THSD4: variants seen among roughly 807,000 people sequenced by gnomAD.
THSD4 encodes thrombospondin type 1 domain containing 4, also known as thrombospondin type-1 domain-containing protein 4.
Under a neutral mutation model 119.0 loss-of-function variants are expected in THSD4, and 69 were observed. That is an observed-to-expected ratio of 0.58 (90% CI 0.48 to 0.71). The LOEUF (loss-of-function observed/expected upper bound fraction) is 0.71, where lower values mean the gene tolerates loss of function less well. Ranked by LOEUF, THSD4 falls within the 30% of genes least tolerant of loss-of-function variation. The pLI, the probability that THSD4 is intolerant of heterozygous loss-of-function variation, is 0.00. For synonymous variants in THSD4, 524 were observed against 540.4 expected (o/e 0.97, Z 0.42); for missense variants, 1,393 against 1,391.1 (o/e 1.00, Z -0.02).
intron 7 of THSD4, among the ~76,000 whole-genome samples, chr15:71,552,947 C>T (rs1288600037): frequency 6.6e-6 from 1 of 152,164 alleles, no homozygotes; most frequent in Non-Finnish European, 1.5e-5. Flanking sequence ...AATTTTTTTA[C>T]ATTATAAAAA....
intron 7 of THSD4, among the ~76,000 whole-genome samples, chr15:71,639,639 A>G (rs968355605): frequency 1.3e-5 from 2 of 152,204 alleles, no homozygotes; most frequent in African/African-American, 4.8e-5. Context: ...CACAGACATG[A>G]TACAAGGCTG....
chr15:71,199,489 G>GCA (rs2043751320), intron 3 of THSD4, among the ~76,000 whole-genome samples: 7 of 76,828 alleles, frequency 9.1e-5, no homozygotes, highest in Non-Finnish European at 1.8e-4. Context: ...TGTGTGTGGG[G>GCA]TGTGTGTGGT....
chr15:71,405,911 G>A (rs915061015), intron 6 of THSD4, among the ~76,000 whole-genome samples: 3 of 117,842 alleles, frequency 2.5e-5, no homozygotes, highest in Admixed American at 8.9e-5. Flanking sequence ...GTTGTAAATT[G>A]AATTCTTTTT....
chr15:71,685,103 A>G (rs960176875), intron 8 of THSD4, among the ~76,000 whole-genome samples: 14 of 152,008 alleles, frequency 9.2e-5, no homozygotes, highest in African/African-American at 2.2e-4. Flanking sequence ...CTTATTTTCA[A>G]AAATGTCTTG....
chr15:71,631,568 C>T (rs1184097147), intron 7 of THSD4, among the ~76,000 whole-genome samples: 1 of 152,134 alleles, frequency 6.6e-6, no homozygotes, highest in African/African-American at 2.4e-5. Context: ...CACAGCTAGG[C>T]TTGAAAGAGG....
Position 71,771,056 on chromosome 15 carries a change from C to T in THSD4, c.2770-8C>T, listed in dbSNP as rs755154287. ...AAAATCTGATGTTTTCCCTTTGTTC[C>T]CATGCAGTGTTCCAAGAGCTGCCAG... is the stretch of plus-strand genomic sequence containing the variant. On this transcript the variant is annotated splice_region_variant and splice_polypyrimidine_tract_variant and intron_variant, in intron 16 of 17. Coordinates refer to ENST00000261862, the MANE Select transcript of THSD4 (RefSeq NM_024817.3). 1.2e-5 allele frequency: 19 copies of T among 1,613,404 alleles called. No individual in the cohort carries two copies. In the Admixed American group the frequency reaches 2.5e-4, roughly 21 times the overall value.
intron 8 of THSD4, among the ~76,000 whole-genome samples, chr15:71,704,535 A>G (rs1038392879): frequency 3.9e-5 from 6 of 152,218 alleles, no homozygotes; most frequent in Non-Finnish European, 8.8e-5. Flanking sequence ...CTCCCCAGCC[A>G]TGTGGAACTG....
chr15:71,189,428 T>C (rs1279441478), intron 3 of THSD4, among the ~76,000 whole-genome samples: 1 of 152,180 alleles, frequency 6.6e-6, no homozygotes, highest in Non-Finnish European at 1.5e-5. Context: ...CCCAGCACTT[T>C]GGGAGGCCGA....
intron 3 of THSD4, among the ~76,000 whole-genome samples, chr15:71,180,845 G>A (rs1007574097): frequency 1.3e-5 from 2 of 152,088 alleles, no homozygotes; most frequent in East Asian, 1.9e-4. Context: ...CTTGAGCAGG[G>A]TTGGGATTAC....
At chr15:71,239,870 G>A (rs1014289061) in intron 4 of THSD4, among the ~76,000 whole-genome samples, 3 of 152,206 alleles carry the variant, frequency 2.0e-5, no homozygotes, top group Admixed American at 2.0e-4. Flanking sequence ...CAGCTGTAAG[G>A]AAAACAAACG....
intron 6 of THSD4, among the ~76,000 whole-genome samples, chr15:71,268,601 A>C (rs570969525): frequency 6.6e-6 from 1 of 150,938 alleles, no homozygotes; most frequent in Non-Finnish European, 1.5e-5. Context: ...AGAAATAACT[A>C]AGATCAGAGC....
At position 71,149,065 on chromosome 15, in the gene THSD4, G is replaced by A. The variant is rs551608295; in HGVS notation, c.30-5798G>A. 6.1e-5 allele frequency among the ~76,000 whole-genome samples: 9 copies of A among 148,096 alleles called. No homozygotes were observed. The South Asian group carries it at 1.1e-3, about 18-fold the overall frequency. ...TTTTTTTTTTTTTTTTTGAGACGGA[G>A]TCTTGCTCTATCACCCAGGCTGGAG... On this transcript the variant is annotated intron_variant, in intron 2 of 17. Transcript: ENST00000261862.
At chr15:71,163,061 T>C (rs1243767886) in intron 3 of THSD4, among the ~76,000 whole-genome samples, 1 of 152,052 alleles carries the variant, frequency 6.6e-6, no homozygotes, top group Non-Finnish European at 1.5e-5. Flanking sequence ...TGTTTGTCTG[T>C]GTTCTTTTAT....
At chr15:71,380,068 C>T (rs12902482) in intron 6 of THSD4, among the ~76,000 whole-genome samples, 25,963 of 152,032 alleles carry the variant, frequency 0.17, 2,543 homozygotes, top group Admixed American at 0.25. Context: ...TCTGCTGTGA[C>T]CGGCTGAGAC....
intron 7 of THSD4, among the ~76,000 whole-genome samples, chr15:71,592,649 C>T (rs1430952475): frequency 1.3e-5 from 2 of 151,768 alleles, no homozygotes; most frequent in African/African-American, 4.8e-5. Context: ...GGTCTGGGAA[C>T]CCAATCACCA....
chr15:71,334,977 G>C (rs2045473003), intron 6 of THSD4, among the ~76,000 whole-genome samples: 1 of 152,176 alleles, frequency 6.6e-6, no homozygotes, highest in Non-Finnish European at 1.5e-5. Flanking sequence ...GGGCTGTGCT[G>C]GATTTGAAAA....
At chr15:71,499,771 C>T (rs891862125) in intron 7 of THSD4, among the ~76,000 whole-genome samples, 2 of 152,096 alleles carry the variant, frequency 1.3e-5, no homozygotes, top group Non-Finnish European at 2.9e-5. Context: ...TTGGTGACTC[C>T]CATATTTTAC....
chr15:71,241,545 C>A (rs912593731), intron 4 of THSD4, among the ~76,000 whole-genome samples: 1 of 152,188 alleles, frequency 6.6e-6, no homozygotes, highest in African/African-American at 2.4e-5. Context: ...TCATTGCTAA[C>A]TCTGTGTTTT....
At chr15:71,717,021 C>T (rs1347842190) in intron 8 of THSD4, among the ~76,000 whole-genome samples, 1 of 152,178 alleles carries the variant, frequency 6.6e-6, no homozygotes, top group Non-Finnish European at 1.5e-5. Flanking sequence ...CCTCTCTGTG[C>T]CAGGAGGAAG....
Sources: allele counts gnomAD v4.1 joint callset (sites outside exome capture counted in the v4.1 genomes callset), GRCh38; gene constraint gnomAD v4.1.1; transcripts MANE v1.5; gene names NCBI Gene and HGNC (gene_info 2026-07-23, HGNC 2026-07-21).